The following COQ3 variants were observed in gnomAD, a reference collection of about 807,000 sequenced individuals.
COQ3 encodes the protein coenzyme Q3, methyltransferase, also known as ubiquinone biosynthesis O-methyltransferase, mitochondrial.
In COQ3, 29 loss-of-function variants were observed where a neutral mutation model predicts 33.1. That is an observed-to-expected ratio of 0.88 (90% CI 0.65 to 1.19). COQ3 has a LOEUF of 1.19. Among genes scored for constraint, COQ3 ranks in the 50% most tolerant of loss-of-function variants. COQ3 has a pLI of 0.00. For synonymous variants in COQ3, 173 were observed against 157.8 expected, an observed-to-expected ratio of 1.10 and a Z score of -0.72; for missense variants, 437 against 430.7, an observed-to-expected ratio of 1.01 and a Z score of -0.13.
At chr6:99,385,986 A>T (rs1774639522) in intron 1 of COQ3, among the ~76,000 whole-genome samples, 1 of 134,030 alleles carries the variant, frequency 7.5e-6, no homozygotes, top group African/African-American at 2.6e-5. Flanking sequence ...CAAAAAAAAA[A>T]AAAAAAAGAA....
rs1265766743 is a variant in COQ3 at position 99,394,110 on chromosome 6, T to G, written c.70A>C (p.Asn24His). 3 of 1,613,732 alleles carry G rather than the reference T, an allele frequency of 1.9e-6. No homozygotes were observed. Among genetic ancestry groups the G allele is most frequent in the Non-Finnish European group, 2.5e-6 (3 of 1,179,904 alleles). ...FLRVLGPGGC[N>H]TKAARPLISS... ...ATTAAGGGACGCGCAGCTTTTGTATTACAGCCTCCAGGCCCCAGCACTCTT... is the reference window on the plus strand; with the variant it reads ...ATTAAGGGACGCGCAGCTTTTGTATGACAGCCTCCAGGCCCCAGCACTCTT... The change falls in exon 1 of 7, where the codon AAT becomes CAT. Residue 24 changes from asparagine to histidine, a missense_variant. Transcript: ENST00000254759.
chr6:99,381,505 G>A (rs1207409585), intron 2 of COQ3, among the ~76,000 whole-genome samples: 9 of 151,990 alleles, frequency 5.9e-5, no homozygotes, highest in Admixed American at 4.6e-4. Flanking sequence ...CTTTCCTCAG[G>A]CACTTCAAAT....
chr6:99,388,160 AT>A (rs1485931022), intron 1 of COQ3, among the ~76,000 whole-genome samples: 2 of 152,092 alleles, frequency 1.3e-5, no homozygotes. Context: ...GCGAAACTCC[AT>A]CTCCAAAAAA....
chr6:99,380,327 C>G lies in COQ3; in HGVS notation c.248G>C (p.Arg83Thr), dbSNP rs1250076494. ...AGTGGTTTGGGAAGTACTGTACAGT[C>G]TCGCCCAAGGGTACCTAAAAGGTGA... The part of the protein sequence containing the change: ...RIKSFRYPWA[R>T]LYSTSQTTVD... The change falls in exon 3 of 7, where the codon AGA becomes ACA. Residue 83 changes from arginine (R) to threonine (T), a missense_variant. Transcript: ENST00000254759. 2 of 1,613,818 alleles carry G rather than the reference C, an allele frequency of 1.2e-6. No homozygotes were observed. The highest frequency in any genetic ancestry group is 2.2e-5 in the South Asian group (2 of 91,042).
chr6:99,374,236 T>C (rs1022068112), intron 5 of COQ3, among the ~76,000 whole-genome samples: 1 of 152,122 alleles, frequency 6.6e-6, no homozygotes, highest in Non-Finnish European at 1.5e-5. Flanking sequence ...GGTTTATATA[T>C]AGGGCTAGAA....
intron 1 of COQ3, among the ~76,000 whole-genome samples, chr6:99,386,451 AT>A (rs1428612764): frequency 1.3e-5 from 2 of 152,178 alleles, no homozygotes; most frequent in Non-Finnish European, 2.9e-5. Flanking sequence ...AAACAAATAA[AT>A]AAATAAAAAT....
intron 5 of COQ3, among the ~76,000 whole-genome samples, chr6:99,372,215 C>T (rs182336912): frequency 3.9e-5 from 6 of 152,082 alleles, no homozygotes; most frequent in Admixed American, 6.6e-5. Flanking sequence ...ACCAGACTGG[C>T]CAACATGGCG....
chr6:99,371,336 T>C (rs1562200466), intron 6 of COQ3, 92 bp downstream of exon 6: 1 of 767,982 alleles, frequency 1.3e-6, no homozygotes, highest in South Asian at 2.1e-5. Context: ...TGGCCTATTT[T>C]ATTAAGTGCT....
At chr6:99,369,935 GA>G (rs1774079807) in intron 6 of COQ3, 115 bp from the exon 7 acceptor site, 4 of 656,642 alleles carry the variant, frequency 6.1e-6, no homozygotes, top group Non-Finnish European at 1.0e-5. Context: ...AAATGGATAG[GA>G]AAAGAAGAAA....
intron 1 of COQ3, among the ~76,000 whole-genome samples, chr6:99,390,118 G>A (rs1026341364): frequency 2.0e-5 from 3 of 151,948 alleles, no homozygotes; most frequent in Admixed American, 6.6e-5. Flanking sequence ...GTCTCAAAAC[G>A]ACAACAACTA....
intron 1 of COQ3, 82 bp from the exon 2 acceptor site, chr6:99,383,906 T>C (rs987008455): frequency 4.5e-6 from 5 of 1,105,744 alleles, no homozygotes; most frequent in Non-Finnish European, 6.3e-6. Context: ...GATTCTATTT[T>C]ATTTTATTAT....
At chr6:99,392,568 T>A (rs1283618192) in intron 1 of COQ3, among the ~76,000 whole-genome samples, 1 of 151,942 alleles carries the variant, frequency 6.6e-6, no homozygotes, top group Non-Finnish European at 1.5e-5. Flanking sequence ...TCAAGGAACC[T>A]TGCAGTTTCT....
chr6:99,385,333 A>C (rs1774594565), intron 1 of COQ3, among the ~76,000 whole-genome samples: 1 of 152,240 alleles, frequency 6.6e-6, no homozygotes, highest in African/African-American at 2.4e-5. Flanking sequence ...CACTTCCCCC[A>C]AACAACAAAA....
chr6:99,370,418 G>C (rs1562200074), intron 6 of COQ3, among the ~76,000 whole-genome samples: 1 of 123,964 alleles, frequency 8.1e-6, no homozygotes, highest in Non-Finnish European at 1.6e-5. Flanking sequence ...GCACAATCTT[G>C]ACTCACTGCA....
At chr6:99,374,716 T>C (rs1014365683) in intron 5 of COQ3, among the ~76,000 whole-genome samples, 1 of 152,196 alleles carries the variant, frequency 6.6e-6, no homozygotes, top group East Asian at 1.9e-4. Context: ...TCAAATGGTC[T>C]GGCCTTAAGC....
At chr6:99,378,693 T>C (rs1037643974) in intron 3 of COQ3, among the ~76,000 whole-genome samples, 4 of 152,214 alleles carry the variant, frequency 2.6e-5, no homozygotes, top group African/African-American at 9.6e-5. Flanking sequence ...GTCCAGGGCC[T>C]ACACTTTGAG....
At chr6:99,372,619 T>C (rs1774175516) in intron 5 of COQ3, among the ~76,000 whole-genome samples, 3 of 152,228 alleles carry the variant, frequency 2.0e-5, no homozygotes, top group African/African-American at 7.2e-5. Flanking sequence ...GGTTTCACCA[T>C]CTTGGTCAGG....
chr6:99,391,503 T>C (rs9376125), intron 1 of COQ3, among the ~76,000 whole-genome samples: 13,360 of 152,254 alleles, frequency 0.088, 1,160 homozygotes, highest in East Asian at 0.43. Flanking sequence ...TGAGATATTA[T>C]TAAAGAATAA....
rs775415100 is a variant in COQ3, at chr6:99,369,752, C to T, written c.958G>A (p.Glu320Lys). The T allele has an allele frequency of 3.8e-5, 62 of 1,613,378 alleles. No individual in the cohort carries two copies. The South Asian group carries it at 6.6e-4, about 17-fold the overall frequency. ...NPFSGYWHWSENTSLNYAAYA... is the reference protein window; with the variant it reads ...NPFSGYWHWSKNTSLNYAAYA... The stretch of plus-strand genomic sequence containing the variant: ...GCTGCATAGTTAAGGCTGGTATTTT[C>T]ACTCCAATGCCAGTAACCTGAGAAG... Residue 320 changes from glutamate (E) to lysine (K), a missense_variant, in exon 7 of 7, where the codon GAA becomes AAA. Physicochemically the swap from Glu to Lys is moderately conservative, Grantham distance 56. Coordinates refer to ENST00000254759, the MANE Select transcript of COQ3 (RefSeq NM_017421.4).
Sources: gnomAD v4.1 joint callset for allele counts (sites outside exome capture counted in the v4.1 genomes callset) on GRCh38, gnomAD v4.1.1 for gene constraint, MANE v1.5 for transcripts, NCBI Gene and HGNC (gene_info 2026-07-23, HGNC 2026-07-21) for gene names.